The following C3orf20 variants were observed in gnomAD, a reference collection of about 807,000 sequenced individuals.
The protein encoded by C3orf20 is uncharacterized protein C3orf20.
C3orf20 carries 76 observed loss-of-function variants against 88.3 expected under a neutral mutation model. That is an observed-to-expected ratio of 0.86 (90% CI 0.72 to 1.04). C3orf20 has a LOEUF of 1.04. Among genes scored for constraint, C3orf20 ranks in the 50% least tolerant of loss-of-function variants. C3orf20 has a pLI of 0.00. For missense variants in C3orf20, 1,056 were observed against 1,123.3 expected (o/e 0.94, Z 0.86); for synonymous variants, 436 against 437.4 (o/e 1.00, Z 0.04).
At chr3:14,699,045 G>A (rs1344211772) in intron 5 of C3orf20, among the ~76,000 whole-genome samples, 2 of 152,020 alleles carry the variant, frequency 1.3e-5, no homozygotes, top group Admixed American at 1.3e-4. Context: ...CTCACCCTTT[G>A]GCCACCACCA....
In C3orf20 at chr3:14,682,942, C is replaced by G. The variant is rs1372215119; in HGVS notation, c.229C>G (p.Leu77Val). The G allele has an allele frequency of 1.2e-6, 2 of 1,614,108 alleles. No individual in the cohort carries two copies. The highest frequency in any genetic ancestry group is 2.7e-5 in the African/African-American group (2 of 74,934). The change falls in exon 3 of 17, where the codon CTG becomes GTG. Residue 77 changes from leucine to valine, a missense_variant. Coordinates refer to ENST00000253697, the MANE Select transcript of C3orf20 (RefSeq NM_032137.5). ...CCTGGAGGTCAGCTTTGGAGCCCCC[C>G]TGGTGGTGCTCATGGAACCCACCTT... Reference protein sequence around the residue: ...LGLEVSFGAPLVVLMEPTFVQ... With the variant: ...LGLEVSFGAPVVVLMEPTFVQ...
At chr3:14,691,774 T>C (rs1043729227) in intron 5 of C3orf20, among the ~76,000 whole-genome samples, 1 of 152,214 alleles carries the variant, frequency 6.6e-6, no homozygotes, top group Non-Finnish European at 1.5e-5. Flanking sequence ...TCAATTGTAC[T>C]CTTTTAGTCA....
At chr3:14,765,354 A>C (rs116273259) in intron 15 of C3orf20, 3,300 of 152,364 alleles carry the variant, frequency 0.022, 78 homozygotes, top group South Asian at 0.096. Context: ...TGGAAGGCTG[A>C]TGGTCAGAGG....
Position 14,721,724 on chromosome 3 carries a change from G to T in C3orf20, c.1506G>T (p.Glu502Asp). ...CAGTCACCTTCACCTCCCTGAATGAGACAGTAACACTCACTGTGTCGGCCA... is the reference window on the plus strand; with the variant it reads ...CAGTCACCTTCACCTCCCTGAATGATACAGTAACACTCACTGTGTCGGCCA... ...SITVTFTSLN[E>D]TVTLTVSANN... Residue 502 changes from glutamate to aspartate, a missense_variant, in exon 10 of 17, where the codon GAG (glutamate) becomes GAT (aspartate). Physicochemically the swap from Glu to Asp is conservative, Grantham distance 45 (BLOSUM62 2). Coordinates refer to ENST00000253697, the MANE Select transcript of C3orf20 (RefSeq NM_032137.5). 1.2e-6 allele frequency: 2 copies of T among 1,614,186 alleles called. No individual in the cohort carries two copies. Among genetic ancestry groups the T allele is most frequent in the Admixed American group, 1.7e-5 (1 of 60,028 alleles).
In C3orf20 at chr3:14,683,115, G is replaced by C; in HGVS notation, c.402G>C (p.Leu134=). Residue 134 remains leucine, a synonymous_variant, in exon 3 of 17, where the codon CTG becomes CTC. Transcript: ENST00000253697. ...AGGTGCGCACCCACCAGGAGACCCT[G>C]AACAGGTTTCAGCAGCAGTCCATCC... ...ARQVRTHQET[L]NRFQQQSIHL... is the part of the protein sequence containing the mutation. 1 of 1,614,150 alleles carries C rather than the reference G, an allele frequency of 6.2e-7. No individual in the cohort carries two copies. The highest frequency in any genetic ancestry group is 1.1e-5 in the South Asian group (1 of 91,068).
At chr3:14,740,363 T>A (rs1423852269) in intron 12 of C3orf20, among the ~76,000 whole-genome samples, 1 of 152,178 alleles carries the variant, frequency 6.6e-6, no homozygotes, top group East Asian at 1.9e-4. Flanking sequence ...ACAATATTTG[T>A]CAATTAAGTT....
intron 12 of C3orf20, among the ~76,000 whole-genome samples, chr3:14,742,697 T>C (rs973983167): frequency 6.6e-6 from 1 of 152,146 alleles, no homozygotes; most frequent in Non-Finnish European, 1.5e-5. Context: ...TACCCGAAAC[T>C]GGGAACAAAA....
At chr3:14,711,661 A>C (rs1402102433) in intron 7 of C3orf20, among the ~76,000 whole-genome samples, 1 of 98,650 alleles carries the variant, frequency 1.0e-5, no homozygotes, top group East Asian at 3.5e-4. Context: ...TTTGAGACTG[A>C]GTCTCGCTCT....
chr3:14,679,084 A>T (rs560043165), intron 1 of C3orf20, among the ~76,000 whole-genome samples: 1 of 152,170 alleles, frequency 6.6e-6, no homozygotes, highest in Non-Finnish European at 1.5e-5. Flanking sequence ...TCTTCCTAGA[A>T]TGCCTGTCTT....
At chr3:14,679,035 T>C (rs1232376367) in intron 1 of C3orf20, among the ~76,000 whole-genome samples, 3 of 152,234 alleles carry the variant, frequency 2.0e-5, no homozygotes. Flanking sequence ...GAGCCCACCA[T>C]GCTTCCAATG....
chr3:14,729,496 C>A (rs1216523608), intron 12 of C3orf20, among the ~76,000 whole-genome samples: 3 of 152,100 alleles, frequency 2.0e-5, no homozygotes, highest in Non-Finnish European at 4.4e-5. Flanking sequence ...GGTCATGTAG[C>A]CTTGATAGTG....
chr3:14,731,862 G>T (rs1422875367), intron 12 of C3orf20, among the ~76,000 whole-genome samples: 1 of 152,144 alleles, frequency 6.6e-6, no homozygotes, highest in Non-Finnish European at 1.5e-5. Flanking sequence ...ATAATACATG[G>T]CATGGATGGG....
At chr3:14,739,951 T>C (rs1290529938) in intron 12 of C3orf20, among the ~76,000 whole-genome samples, 1 of 152,226 alleles carries the variant, frequency 6.6e-6, no homozygotes, top group African/African-American at 2.4e-5. Flanking sequence ...CTAATAAGAA[T>C]ATTATGGCTG....
At chr3:14,742,529 T>G (rs1180402676) in intron 12 of C3orf20, among the ~76,000 whole-genome samples, 1 of 152,218 alleles carries the variant, frequency 6.6e-6, no homozygotes, top group Non-Finnish European at 1.5e-5. Flanking sequence ...GAGCAATGTC[T>G]CCTCACTTCA....
chr3:14,762,134 C>T (rs573596005), intron 15 of C3orf20, among the ~76,000 whole-genome samples: 129 of 152,226 alleles, frequency 8.5e-4, no homozygotes, highest in African/African-American at 2.9e-3. Context: ...TACAGTGACG[C>T]GATCATAGCT....
At chr3:14,714,352 C>G (rs1435605911) in intron 8 of C3orf20, among the ~76,000 whole-genome samples, 193 bp downstream of exon 8, 1 of 152,126 alleles carries the variant, frequency 6.6e-6, no homozygotes, top group Admixed American at 6.5e-5. Flanking sequence ...CCCTTCCTTG[C>G]TGTATCTATG....
At chr3:14,682,475 T>C in intron 2 of C3orf20, 103 bp from the exon 3 acceptor site, 2 of 543,720 alleles carry the variant, frequency 3.7e-6, no homozygotes, top group Non-Finnish European at 6.5e-6. Context: ...CTCACTAACA[T>C]TGGTCTCTCT....
intron 12 of C3orf20, among the ~76,000 whole-genome samples, chr3:14,754,534 T>C (rs1210243564): frequency 6.6e-6 from 1 of 152,208 alleles, no homozygotes; most frequent in Admixed American, 6.5e-5. Flanking sequence ...TCTTTCTTAA[T>C]TAAGCATTCC....
At position 14,675,780 on chromosome 3, in the gene C3orf20, C is replaced by T. The variant is rs979486672; in HGVS notation, c.-299+528C>T. Among the ~76,000 whole-genome samples the T allele has an allele frequency of 5.3e-5, 8 of 152,144 alleles. No individual in the cohort carries two copies. The South Asian group carries it at 1.2e-3, about 24-fold the overall frequency. ...GCAGTGGCTCACTGCAACCTCCACT[C>T]CCCGGGTTCAAGTGATTCTCCTGCC... is the stretch of plus-strand genomic sequence containing the variant. On this transcript the variant is annotated intron_variant, in intron 1 of 16. Transcript: ENST00000253697.
Sources: gnomAD v4.1 joint callset for allele counts (sites outside exome capture counted in the v4.1 genomes callset) on GRCh38, gnomAD v4.1.1 for gene constraint, MANE v1.5 for transcripts, NCBI Gene and HGNC (gene_info 2026-07-23, HGNC 2026-07-21) for gene names.